RAI2: variants seen among roughly 807,000 people sequenced by gnomAD.
RAI2 encodes the protein retinoic acid-induced protein 2.
RAI2 carries 5 observed loss-of-function variants against 15.3 expected under a neutral mutation model. The observed-to-expected ratio is 0.33, with a 90% CI of 0.17 to 0.69. The LOEUF (loss-of-function observed/expected upper bound fraction) is 0.69, where lower values mean the gene tolerates loss of function less well. RAI2 is among the 30% of genes least tolerant of loss of function. RAI2 has a pLI of 0.69. For synonymous variants in RAI2, 191 were observed against 184.0 expected (o/e 1.04, Z -0.31); for missense variants, 424 against 424.7 (o/e 1.00, Z 0.01).
At chrX:17,819,110 C>A (rs2067137715) in intron 1 of RAI2, among the ~76,000 whole-genome samples, 1 of 112,068 alleles carries the variant, frequency 8.9e-6, no homozygotes, top group South Asian at 3.8e-4. Context: ...TGCCCTGAGG[C>A]AGCCCACAGA....
At chrX:17,813,393 T>C (rs1348522322) in intron 1 of RAI2, among the ~76,000 whole-genome samples, 4 of 111,577 alleles carry the variant, frequency 3.6e-5, no homozygotes, top group Non-Finnish European at 1.9e-5. Flanking sequence ...TTTATTGGTA[T>C]AATAAAGATA....
chrX:17,811,387 GCTCAGGTCACGTTTAAGGT>G (rs1270657983), intron 1 of RAI2, among the ~76,000 whole-genome samples: 1 of 112,218 alleles, frequency 8.9e-6, no homozygotes, highest in Non-Finnish European at 1.9e-5. Context: ...TCATGCAGGA[GCTCAGGTCACGTTTAAGGT>G]CTTGGGCCAA....
intron 1 of RAI2, among the ~76,000 whole-genome samples, chrX:17,819,863 G>A (rs1431829023): frequency 8.9e-6 from 1 of 112,454 alleles, no homozygotes; most frequent in Non-Finnish European, 1.9e-5. Flanking sequence ...GGCCTTTTCT[G>A]GGGTGACAAG....
intron 1 of RAI2, among the ~76,000 whole-genome samples, chrX:17,815,462 A>ATT (rs113280437): frequency 9.0e-6 from 1 of 111,012 alleles, no homozygotes; most frequent in African/African-American, 3.3e-5. Context: ...CACCTCAGGT[A>ATT]TTTTTTTCCC....
intron 1 of RAI2, among the ~76,000 whole-genome samples, chrX:17,846,675 A>T (rs764366268): frequency 9.1e-6 from 1 of 110,439 alleles, no homozygotes; most frequent in South Asian, 3.9e-4. Context: ...TTTTCTGACT[A>T]CTCACCTAGG....
intron 1 of RAI2, among the ~76,000 whole-genome samples, chrX:17,824,513 G>A (rs1221101018): frequency 8.9e-6 from 1 of 112,080 alleles, no homozygotes; most frequent in African/African-American, 3.2e-5. Context: ...TTCTAGGTAG[G>A]AGAAAGCTGA....
chrX:17,813,996 T>C (rs1235703768), intron 1 of RAI2, among the ~76,000 whole-genome samples: 1 of 111,788 alleles, frequency 8.9e-6, no homozygotes, highest in African/African-American at 3.3e-5. Context: ...TTTGGTGAAC[T>C]CAACTAGCTA....
At chrX:17,829,277 GAAAAAAAAAA>G (rs11479454) in intron 1 of RAI2, among the ~76,000 whole-genome samples, 1 of 52,248 alleles carries the variant, frequency 1.9e-5, no homozygotes, top group Non-Finnish European at 3.6e-5. Flanking sequence ...CATCTGTATG[GAAAAAAAAAA>G]AAAAAAAAAA....
At chrX:17,822,969 CG>C (rs2067184320) in intron 1 of RAI2, among the ~76,000 whole-genome samples, 2 of 112,321 alleles carry the variant, frequency 1.8e-5, no homozygotes, top group Admixed American at 1.9e-4. Context: ...TACACTCACT[CG>C]TCCCCTGAAG....
At chrX:17,820,146 C>A (rs760580500) in intron 1 of RAI2, among the ~76,000 whole-genome samples, 1 of 111,727 alleles carries the variant, frequency 9.0e-6, no homozygotes, top group African/African-American at 3.3e-5. Flanking sequence ...TGCCAGGAGG[C>A]CCCTTACAAA....
At chrX:17,808,583 A>T (rs2067007875) in intron 1 of RAI2, among the ~76,000 whole-genome samples, 1 of 110,822 alleles carries the variant, frequency 9.0e-6, no homozygotes, top group Non-Finnish European at 1.9e-5. Flanking sequence ...CTTCCTTCTT[A>T]CTTCCCAGAA....
chrX:17,801,517 TGGGCCTCGG>T lies in RAI2; in HGVS notation c.485_493del (p.Pro162_Ala164del). The T allele has an allele frequency of 8.3e-7, 1 of 1,197,871 alleles. No individual in the cohort carries two copies. Among genetic ancestry groups the T allele is most frequent in the Non-Finnish European group, 1.1e-6 (1 of 888,320 alleles). On this transcript the variant is annotated inframe_deletion, in exon 2 of 2. Coordinates refer to ENST00000451717, the MANE Select transcript of RAI2 (RefSeq NM_021785.6). ...GATCCTCAGGTCCAGGAGCTGGGGC[TGGGCCTCGG>T]GGTCCTCCGCTCCCTGGAAGAGGTT...
intron 1 of RAI2, among the ~76,000 whole-genome samples, chrX:17,852,132 A>G (rs1308794793): frequency 9.0e-6 from 1 of 111,533 alleles, no homozygotes; most frequent in East Asian, 2.8e-4. Context: ...GCAACTTAGA[A>G]TGTCCAAGTG....
In RAI2 at chrX:17,800,851, G is replaced by A. The variant is rs2066898293; in HGVS notation, c.1160C>T (p.Ala387Val). 2 of 1,211,560 alleles carry A rather than the reference G, an allele frequency of 1.7e-6. No individual in the cohort carries two copies. The highest frequency in any genetic ancestry group is 2.2e-6 in the Non-Finnish European group (2 of 895,434). Reference protein sequence around the residue: ...KLPSGMEISFAPATSHEAPAM... With the variant: ...KLPSGMEISFVPATSHEAPAM... ...TGGGGCCTCATGGGACGTGGCAGGG[G>A]CAAAAGAAATTTCCATGCCACTGGG... The change falls in exon 2 of 2, where the codon GCC (alanine) becomes GTC (valine). Residue 387 changes from alanine to valine, a missense_variant. Transcript: ENST00000451717.
intron 1 of RAI2, among the ~76,000 whole-genome samples, chrX:17,859,040 G>A (rs1322809704): frequency 9.0e-6 from 1 of 111,380 alleles, no homozygotes; most frequent in Non-Finnish European, 1.9e-5. Context: ...GGGGGTGTGG[G>A]GGCAGGTGGC....
chrX:17,818,049 G>A (rs1005956896), intron 1 of RAI2, among the ~76,000 whole-genome samples: 4 of 111,818 alleles, frequency 3.6e-5, no homozygotes, highest in Non-Finnish European at 7.5e-5. Context: ...ACACCATGGG[G>A]GCTCTTGTGT....
chrX:17,807,547 A>G (rs767181161), intron 1 of RAI2, among the ~76,000 whole-genome samples: 2 of 111,548 alleles, frequency 1.8e-5, no homozygotes, highest in Non-Finnish European at 3.8e-5. Flanking sequence ...GACTCTTTTT[A>G]TTGATGAGTA....
chrX:17,835,616 C>T (rs1031407725), intron 1 of RAI2, among the ~76,000 whole-genome samples: 4 of 111,594 alleles, frequency 3.6e-5, no homozygotes, highest in Non-Finnish European at 7.5e-5. Flanking sequence ...GAGATAGGTC[C>T]GTGTGTTTAT....
intron 1 of RAI2, among the ~76,000 whole-genome samples, chrX:17,842,661 A>G (rs1460270820): frequency 1.8e-5 from 2 of 109,351 alleles, no homozygotes; most frequent in African/African-American, 6.6e-5. Context: ...ATAGGAAAAA[A>G]AAAAAAAAAA....
Sources: gnomAD v4.1 joint callset for allele counts (sites outside exome capture counted in the v4.1 genomes callset) on GRCh38, gnomAD v4.1.1 for gene constraint, MANE v1.5 for transcripts, NCBI Gene and HGNC (gene_info 2026-07-23, HGNC 2026-07-21) for gene names.